Variants in ZBTB22 observed in about 807,000 individuals in gnomAD.
ZBTB22 encodes zinc finger and BTB domain containing 22, also known as zinc finger and BTB domain-containing protein 22.
For missense variants in ZBTB22, 668 were observed against 834.1 expected, an observed-to-expected ratio of 0.80 and a Z score of 2.45; for synonymous variants, 356 against 347.3, an observed-to-expected ratio of 1.03 and a Z score of -0.28.
chr6:33,316,921 T>G lies in ZBTB22; in HGVS notation c.-5A>C, dbSNP rs758921712. The stretch of plus-strand genomic sequence containing the variant: ...AGACAGAGGAGATGGCTCCATGTTG[T>G]GGAGGGAGGGGATACCCCCCCAGCC... On this transcript the variant is annotated 5_prime_UTR_variant, in exon 2 of 2. Transcript: ENST00000431845. The surrounding 1 kb of genome is among the most constrained non-coding windows in gnomAD (Gnocchi z 7.2). 4 of 1,570,680 alleles carry G rather than the reference T, an allele frequency of 2.5e-6. No homozygotes were observed. The highest frequency in any genetic ancestry group is 2.0e-4 in the Middle Eastern group (1 of 4,948).
In ZBTB22 at chr6:33,315,427, T is replaced by C. The variant is rs1484731975; in HGVS notation, c.1490A>G (p.Lys497Arg). The C allele has an allele frequency of 6.2e-7, 1 of 1,614,046 alleles. No homozygotes were observed. The highest frequency in any genetic ancestry group is 2.2e-5 in the East Asian group (1 of 44,896). The stretch of plus-strand genomic sequence containing the variant: ...GTTCACGTGCCGGTCCCGCATGCTC[T>C]TGTGGGAGAAGGCCTTCCCACAATG... Reference protein sequence around the residue: ...LCHCGKAFSHKSMRDRHVNMH... With the variant: ...LCHCGKAFSHRSMRDRHVNMH... Residue 497 changes from lysine to arginine, a missense_variant, in exon 2 of 2, where the codon AAG becomes AGG. Coordinates refer to ENST00000431845, the MANE Select transcript of ZBTB22 (RefSeq NM_005453.5). The surrounding 1 kb of genome is among the most constrained non-coding windows in gnomAD (Gnocchi z 5.4).
chr6:33,316,489 C>G lies in ZBTB22; in HGVS notation c.428G>C (p.Cys143Ser). The change falls in exon 2 of 2, where the codon TGC becomes TCC. Residue 143 changes from cysteine to serine, a missense_variant. Cys to Ser is a moderately radical substitution (Grantham distance 112). Coordinates refer to ENST00000431845, the MANE Select transcript of ZBTB22 (RefSeq NM_005453.5). This position sits in a 1 kb window ranked among gnomAD's most constrained non-coding sequence, Gnocchi z 7.2. ...VLQMWHIVDK[C>S]TELLREGRAS... is the part of the protein sequence containing the mutation. Reference sequence around the variant, plus strand: ...CCGGCCTTCTCGGAGTAGTTCAGTGCACTTGTCCACAATGTGCCACATTTG... The same window carrying G: ...CCGGCCTTCTCGGAGTAGTTCAGTGGACTTGTCCACAATGTGCCACATTTG... The G allele has an allele frequency of 6.2e-7, 1 of 1,614,176 alleles. No homozygotes were observed. Among genetic ancestry groups the G allele is most frequent in the Non-Finnish European group, 8.5e-7 (1 of 1,180,034 alleles).
Position 33,315,511 on chromosome 6 carries a change from C to A in ZBTB22, c.1406G>T (p.Ser469Ile). 6.2e-7 allele frequency: 1 copy of A among 1,614,018 alleles called. No homozygotes were observed. The highest frequency in any genetic ancestry group is 1.1e-5 in the South Asian group (1 of 91,082). The change falls in exon 2 of 2, where the codon AGC becomes ATC. Residue 469 changes from serine to isoleucine, a missense_variant. Ser to Ile is a moderately radical substitution (Grantham distance 142). Coordinates refer to ENST00000431845, the MANE Select transcript of ZBTB22 (RefSeq NM_005453.5). This position sits in a 1 kb window ranked among gnomAD's most constrained non-coding sequence, Gnocchi z 5.4. Reference protein sequence around the residue: ...TSVGSLGVPGSVGGVPGGTGS... With the variant: ...TSVGSLGVPGIVGGVPGGTGS... ...AGTCCCTCCAGGGACCCCACCAACG[C>A]TACCCGGCACACCCAGGCTCCCCAC...
chr6:33,317,491 G>GCCC (rs1371854252), intron 1 of ZBTB22, among the ~76,000 whole-genome samples, 162 bp downstream of exon 1: 32 of 33,182 alleles, frequency 9.6e-4, no homozygotes, highest in South Asian at 5.7e-3. Context: ...CCCTTTCCAG[G>GCCC]CCCACCCCCC....
Position 33,316,293 on chromosome 6 carries a change from G to T in ZBTB22, c.624C>A (p.Tyr208Ter). The change falls in exon 2 of 2, where the codon TAC (tyrosine) becomes TAA (stop). Residue 208 changes from tyrosine (Y) to a stop codon, truncating the protein, a stop_gained. Transcript: ENST00000431845. LOFTEE classifies it low-confidence loss of function (END_TRUNC). The surrounding 1 kb of genome is among the most constrained non-coding windows in gnomAD (Gnocchi z 7.2). Reference protein sequence around the residue: ...SENQSPSSSNYFSPRESTDFS... With the variant: ...SENQSPSSSN ...AATCAGTGGACTCCCTGGGGCTGAA[G>T]TAGTTGCTGCTGCTGGGAGATTGAT... 6.2e-7 allele frequency: 1 copy of T among 1,614,162 alleles called. No homozygotes were observed. Among genetic ancestry groups the T allele is most frequent in the African/African-American group, 1.3e-5 (1 of 75,078 alleles).
rs1017920161 is a variant in ZBTB22 at position 33,314,779 on chromosome 6, A to T, written c.*233T>A. 222 of 756,478 alleles carry T rather than the reference A, an allele frequency of 2.9e-4. No individual in the cohort carries two copies. The highest frequency in any genetic ancestry group is 7.3e-4 in the Admixed American group (20 of 27,482). The allele number at this position is 756,478 out of a possible 1,614,324, so 46.9% of individuals were successfully genotyped here. On this transcript the variant is annotated 3_prime_UTR_variant, in exon 2 of 2. Coordinates refer to ENST00000431845, the MANE Select transcript of ZBTB22 (RefSeq NM_005453.5). Reference sequence around the variant, plus strand: ...GTGGAGCAGGGGCTTCAGTGTACCCATCAGAGGGAAAGGAAGGGTTTAGTT... The same window carrying T: ...GTGGAGCAGGGGCTTCAGTGTACCCTTCAGAGGGAAAGGAAGGGTTTAGTT...
chr6:33,315,551 C>A lies in ZBTB22; in HGVS notation c.1366G>T (p.Val456Leu). Residue 456 changes from valine to leucine, a missense_variant, in exon 2 of 2, where the codon GTG becomes TTG. Physicochemically the swap from Val to Leu is conservative, Grantham distance 32 (BLOSUM62 1). Coordinates refer to ENST00000431845, the MANE Select transcript of ZBTB22 (RefSeq NM_005453.5). The surrounding 1 kb of genome is among the most constrained non-coding windows in gnomAD (Gnocchi z 5.4). ...AGGCTCCCCACCGACGTGCCCCCCA[C>A]GGTCACTGCCCCGTGTTCTGCTTGG... Reference protein sequence around the residue: ...GNQAEHGAVTVGGTSVGSLGV... With the variant: ...GNQAEHGAVTLGGTSVGSLGV... The A allele has an allele frequency of 6.2e-7, 1 of 1,614,042 alleles. No individual in the cohort carries two copies. Among genetic ancestry groups the A allele is most frequent in the Non-Finnish European group, 8.5e-7 (1 of 1,180,014 alleles).
chr6:33,316,067 G>A lies in ZBTB22; in HGVS notation c.850C>T (p.Pro284Ser). 6.2e-7 allele frequency: 1 copy of A among 1,613,578 alleles called. No homozygotes were observed. Among genetic ancestry groups the A allele is most frequent in the African/African-American group, 1.3e-5 (1 of 75,006 alleles). ...ATGATGCTAGGGGGTGTGTAGGTGG[G>A]TCTCCGGAGCCCAGCCCCAGGAACC... Reference protein sequence around the residue: ...AVVPGAGLRRPTYTPPSIMPQ... With the variant: ...AVVPGAGLRRSTYTPPSIMPQ... Residue 284 changes from proline to serine, a missense_variant, in exon 2 of 2, where the codon CCC (proline) becomes TCC (serine). Coordinates refer to ENST00000431845, the MANE Select transcript of ZBTB22 (RefSeq NM_005453.5). This position sits in a 1 kb window ranked among gnomAD's most constrained non-coding sequence, Gnocchi z 7.2.
At position 33,316,993 on chromosome 6, in the gene ZBTB22, G is replaced by T; in HGVS notation, c.-69-8C>A. 1.4e-6 allele frequency: 2 copies of T among 1,448,526 alleles called. No individual in the cohort carries two copies. The highest frequency in any genetic ancestry group is 1.8e-6 in the Non-Finnish European group (2 of 1,093,190). 89.7% of individuals were successfully genotyped at this position (1,448,526 alleles called of 1,614,324 possible). On this transcript the variant is annotated splice_polypyrimidine_tract_variant and splice_region_variant and intron_variant, in intron 1 of 1. Coordinates refer to ENST00000431845, the MANE Select transcript of ZBTB22 (RefSeq NM_005453.5). This position sits in a 1 kb window ranked among gnomAD's most constrained non-coding sequence, Gnocchi z 7.2. Reference sequence around the variant, plus strand: ...GGGCGGCCGGGGGGGTCTCTGGGAAGAAAAAGAGAAAAGAATAATGATAAC... The same window carrying T: ...GGGCGGCCGGGGGGGTCTCTGGGAATAAAAAGAGAAAAGAATAATGATAAC...
In ZBTB22 at chr6:33,316,536, G is replaced by A; in HGVS notation, c.381C>T (p.Phe127=). The change falls in exon 2 of 2, where the codon TTC becomes TTT. Residue 127 remains phenylalanine (F), a synonymous_variant. Coordinates refer to ENST00000431845, the MANE Select transcript of ZBTB22 (RefSeq NM_005453.5). This position sits in a 1 kb window ranked among gnomAD's most constrained non-coding sequence, Gnocchi z 7.2. ...LSMAAADIVN[F]LTVGSVLQMW... ...TTTGGAGCACAGACCCCACTGTAAG[G>A]AAGTTGACAATGTCAGCAGCAGCCA... is the stretch of plus-strand genomic sequence containing the variant. 1 of 1,614,222 alleles carries A rather than the reference G, an allele frequency of 6.2e-7. No homozygotes were observed. Among genetic ancestry groups the A allele is most frequent in the Non-Finnish European group, 8.5e-7 (1 of 1,180,042 alleles).
chr6:33,317,898 C>T (rs956337258), upstream of ZBTB22: 1 of 152,102 alleles, frequency 6.6e-6, no homozygotes, highest in African/African-American at 2.4e-5. Flanking sequence ...CAGGTCCCCT[C>T]CTCCGCTGGG....
chr6:33,316,070 T>C lies in ZBTB22; in HGVS notation c.847A>G (p.Arg283Gly). ...ATGCTAGGGGGTGTGTAGGTGGGTCTCCGGAGCCCAGCCCCAGGAACCACT... is the reference window on the plus strand; with the variant it reads ...ATGCTAGGGGGTGTGTAGGTGGGTCCCCGGAGCCCAGCCCCAGGAACCACT... The part of the protein sequence containing the change: ...GAVVPGAGLR[R>G]PTYTPPSIMP... The change falls in exon 2 of 2, where the codon AGA becomes GGA. Residue 283 changes from arginine to glycine, a missense_variant. Transcript: ENST00000431845. The surrounding 1 kb of genome is among the most constrained non-coding windows in gnomAD (Gnocchi z 7.2). 6.2e-7 allele frequency: 1 copy of C among 1,613,524 alleles called. No individual in the cohort carries two copies. Among genetic ancestry groups the C allele is most frequent in the Non-Finnish European group, 8.5e-7 (1 of 1,179,880 alleles).
In ZBTB22 at chr6:33,316,892, T is replaced by G. The variant is rs755404727; in HGVS notation, c.25A>C (p.Ser9Arg). 1 of 1,608,140 alleles carries G rather than the reference T, an allele frequency of 6.2e-7. No homozygotes were observed. The highest frequency in any genetic ancestry group is 8.5e-7 in the Non-Finnish European group (1 of 1,177,348). Residue 9 changes from serine to arginine, a missense_variant, in exon 2 of 2, where the codon AGT becomes CGT. By Grantham distance (110) the Ser-to-Arg change is moderately radical. Coordinates refer to ENST00000431845, the MANE Select transcript of ZBTB22 (RefSeq NM_005453.5). This position sits in a 1 kb window ranked among gnomAD's most constrained non-coding sequence, Gnocchi z 7.2. MEPSPLSP[S>R]GAALPLPLSL... ...AGCGGCAGGGGAAGTGCTGCCCCAC[T>G]GGGAGACAGAGGAGATGGCTCCATG...
Position 33,315,836 on chromosome 6 carries a change from C to T in ZBTB22, c.1081G>A (p.Val361Ile), listed in dbSNP as rs751137517. 1.2e-6 allele frequency: 2 copies of T among 1,613,078 alleles called. No homozygotes were observed. The highest frequency in any genetic ancestry group is 1.7e-6 in the Non-Finnish European group (2 of 1,179,452). ...GPEATLSISD[V>I]RTLSEPPDKG... ...TCTGGGGGCTCACTCAGGGTACGGACATCACTTATGCTGAGGGTAGCCTCA... is the reference window on the plus strand; with the variant it reads ...TCTGGGGGCTCACTCAGGGTACGGATATCACTTATGCTGAGGGTAGCCTCA... Residue 361 changes from valine (V) to isoleucine (I), a missense_variant, in exon 2 of 2, where the codon GTC (valine) becomes ATC (isoleucine). Coordinates refer to ENST00000431845, the MANE Select transcript of ZBTB22 (RefSeq NM_005453.5). The surrounding 1 kb of genome is among the most constrained non-coding windows in gnomAD (Gnocchi z 5.4).
rs770603203 is a variant in ZBTB22 at position 33,316,407 on chromosome 6, A to C, written c.510T>G (p.Gly170=). 41 of 1,614,012 alleles carry C rather than the reference A, an allele frequency of 2.5e-5. No homozygotes were observed. Among genetic ancestry groups the C allele is most frequent in the Non-Finnish European group, 3.3e-5 (39 of 1,180,040 alleles). ...CCCCACTCCCGGATGGCACCCCAGC[A>C]CCAGGGACAGTGACAGAGGTGGCTG... ...TAAATSVTVP[G]AGVPSGSGGT... is the part of the protein sequence containing the mutation. Residue 170 remains glycine, a synonymous_variant, in exon 2 of 2, where the codon GGT becomes GGG. Transcript: ENST00000431845. The surrounding 1 kb of genome is among the most constrained non-coding windows in gnomAD (Gnocchi z 7.2).
At position 33,315,833 on chromosome 6, in the gene ZBTB22, G is replaced by C. The variant is rs747502472; in HGVS notation, c.1084C>G (p.Arg362Gly). 8 of 1,612,960 alleles carry C rather than the reference G, an allele frequency of 5.0e-6. No homozygotes were observed. Among genetic ancestry groups the C allele is most frequent in the Non-Finnish European group, 2.5e-6 (3 of 1,179,414 alleles). ...TTGTCTGGGGGCTCACTCAGGGTAC[G>C]GACATCACTTATGCTGAGGGTAGCC... ...PEATLSISDVRTLSEPPDKGE... is the reference protein window; with the variant it reads ...PEATLSISDVGTLSEPPDKGE... Residue 362 changes from arginine (R) to glycine (G), a missense_variant, in exon 2 of 2, where the codon CGT becomes GGT. By Grantham distance (125) the Arg-to-Gly change is moderately radical. Transcript: ENST00000431845. The surrounding 1 kb of genome is among the most constrained non-coding windows in gnomAD (Gnocchi z 5.4).
rs1392153493 is a variant in ZBTB22, at chr6:33,316,410, A to G, written c.507T>C (p.Pro169=). The G allele has an allele frequency of 6.2e-7, 1 of 1,614,134 alleles. No homozygotes were observed. The highest frequency in any genetic ancestry group is 8.5e-7 in the Non-Finnish European group (1 of 1,180,032). ...CACTCCCGGATGGCACCCCAGCACC[A>G]GGGACAGTGACAGAGGTGGCTGCAG... The part of the protein sequence containing the change: ...TTAAATSVTV[P]GAGVPSGSGG... The change falls in exon 2 of 2, where the codon CCT becomes CCC. Residue 169 remains proline, a synonymous_variant. Coordinates refer to ENST00000431845, the MANE Select transcript of ZBTB22 (RefSeq NM_005453.5). The surrounding 1 kb of genome is among the most constrained non-coding windows in gnomAD (Gnocchi z 7.2).
rs1769878315 is a variant in ZBTB22, at chr6:33,316,373, C to T, written c.544G>A (p.Ala182Thr). 2 of 1,613,866 alleles carry T rather than the reference C, an allele frequency of 1.2e-6. No homozygotes were observed. The highest frequency in any genetic ancestry group is 1.3e-5 in the African/African-American group (1 of 74,928). ...CGCGCAGAGCCCATGGTAGCAGGGG[C>T]CACAGTGCCCCCACTCCCGGATGGC... ...GVPSGSGGTV[A>T]PATMGSARSH... is the part of the protein sequence containing the mutation. Residue 182 changes from alanine (A) to threonine (T), a missense_variant, in exon 2 of 2, where the codon GCC becomes ACC. Ala to Thr is a moderately conservative substitution (Grantham distance 58). Transcript: ENST00000431845. This position sits in a 1 kb window ranked among gnomAD's most constrained non-coding sequence, Gnocchi z 7.2.
chr6:33,316,401 C>T lies in ZBTB22; in HGVS notation c.516G>A (p.Gly172=), dbSNP rs1418135063. The T allele has an allele frequency of 6.2e-7, 1 of 1,613,980 alleles. No individual in the cohort carries two copies. Among genetic ancestry groups the T allele is most frequent in the Non-Finnish European group, 8.5e-7 (1 of 1,180,036 alleles). The part of the protein sequence containing the change: ...AATSVTVPGA[G]VPSGSGGTVA... ...CAGTGCCCCCACTCCCGGATGGCAC[C>T]CCAGCACCAGGGACAGTGACAGAGG... is the stretch of plus-strand genomic sequence containing the variant. Residue 172 remains glycine (G), a synonymous_variant, in exon 2 of 2, where the codon GGG becomes GGA. Coordinates refer to ENST00000431845, the MANE Select transcript of ZBTB22 (RefSeq NM_005453.5). The surrounding 1 kb of genome is among the most constrained non-coding windows in gnomAD (Gnocchi z 7.2).
Sources: gnomAD v4.1 joint callset for allele counts (sites outside exome capture counted in the v4.1 genomes callset) on GRCh38, gnomAD v4.1.1 for gene constraint, Gnocchi (gnomAD v3.1) non-coding constraint, MANE v1.5 for transcripts, NCBI Gene and HGNC (gene_info 2026-07-23, HGNC 2026-07-21) for gene names.